Variants in GRM5 observed in about 807,000 individuals in gnomAD.
GRM5 encodes the protein glutamate metabotropic receptor 5.
In GRM5, 19 loss-of-function variants were observed where a neutral mutation model predicts 83.1. The observed-to-expected ratio is 0.23, with a 90% CI of 0.16 to 0.34. The LOEUF (loss-of-function observed/expected upper bound fraction) is 0.34. Among genes scored for constraint, GRM5 ranks in the 10% least tolerant of loss-of-function variants. The pLI is 1.00. For missense variants in GRM5, 1,160 were observed against 1,588.3 expected, an observed-to-expected ratio of 0.73 and a Z score of 4.58; for synonymous variants, 675 against 633.6, an observed-to-expected ratio of 1.07 and a Z score of -0.98.
rs537319443 is a variant in GRM5 at position 88,787,388 on chromosome 11, A to T, written c.911+62518T>A. Among the ~76,000 whole-genome samples the T allele has an allele frequency of 2.9e-4, 44 of 152,252 alleles. No homozygotes were observed. The South Asian group carries it at 9.1e-3, about 32-fold the overall frequency. On this transcript the variant is annotated intron_variant, in intron 3 of 9. Coordinates refer to ENST00000305447, the MANE Select transcript of GRM5 (RefSeq NM_001143831.3). Reference sequence around the variant, plus strand: ...AGGAGAGGATGTGGAAGACAGTGGAATGAGCAAGGGTTATTGGTGGAGGCC... The same window carrying T: ...AGGAGAGGATGTGGAAGACAGTGGATTGAGCAAGGGTTATTGGTGGAGGCC...
rs146352449 is a variant in GRM5 at position 88,522,569 on chromosome 11, T to TTCTCTCTCTCTCTC, written c.2726+2726_2726+2739dup. ...AAAGCTTAAGCATGGCAGGTCTCTC[T>TTCTCTCTCTCTCTC]TCTCTCTCTCTCTCTCTCGCTCTCT... On this transcript the variant is annotated intron_variant, in intron 9 of 9. Coordinates refer to ENST00000305447, the MANE Select transcript of GRM5 (RefSeq NM_001143831.3). Among the ~76,000 whole-genome samples, 735 of 137,896 alleles carry TTCTCTCTCTCTCTC rather than the reference T, an allele frequency of 5.3e-3. 20 individuals are homozygous for TTCTCTCTCTCTCTC. The highest frequency in any genetic ancestry group is 0.019 in the African/African-American group (678 of 36,342). 90.5% of individuals were successfully genotyped at this position (137,896 alleles called of 152,430 possible).
At chr11:88,979,958 G>C (rs1480189951) in intron 2 of GRM5, among the ~76,000 whole-genome samples, 1 of 152,120 alleles carries the variant, frequency 6.6e-6, no homozygotes, top group African/African-American at 2.4e-5. Flanking sequence ...AAAAAGCTTG[G>C]AAATCTAAGG....
intron 5 of GRM5, among the ~76,000 whole-genome samples, chr11:88,602,549 C>G (rs1385897242): frequency 2.0e-5 from 3 of 152,156 alleles, no homozygotes; most frequent in Admixed American, 2.0e-4. Flanking sequence ...GCTGGGAATG[C>G]CTTTGATCTG....
chr11:88,958,115 C>T (rs1413463656), intron 2 of GRM5, among the ~76,000 whole-genome samples: 1 of 151,762 alleles, frequency 6.6e-6, no homozygotes, highest in African/African-American at 2.4e-5. Context: ...CAACCTATGC[C>T]CTCCAGCCAC....
intron 3 of GRM5, among the ~76,000 whole-genome samples, chr11:88,662,701 C>T (rs1939938714): frequency 6.6e-6 from 1 of 152,098 alleles, no homozygotes; most frequent in Non-Finnish European, 1.5e-5. Context: ...CATGAGAGAG[C>T]TAGAGGAGAA....
In GRM5 at chr11:88,659,858, C is replaced by A. The variant is rs370947027; in HGVS notation, c.912-6455G>T. 3.1e-4 allele frequency among the ~76,000 whole-genome samples: 47 copies of A among 151,264 alleles called. 1 individual carries two copies. In the South Asian group the frequency reaches 9.5e-3, roughly 31 times the overall value. Reference sequence around the variant, plus strand: ...AAAAATCTATCTCCCTTAATGAAATCTAAATCCATAAAATGCAGACAATAT... The same window carrying A: ...AAAAATCTATCTCCCTTAATGAAATATAAATCCATAAAATGCAGACAATAT... On this transcript the variant is annotated intron_variant, in intron 3 of 9. Transcript: ENST00000305447.
At chr11:88,920,184 T>G (rs1945663790) in intron 2 of GRM5, among the ~76,000 whole-genome samples, 1 of 151,806 alleles carries the variant, frequency 6.6e-6, no homozygotes, top group Non-Finnish European at 1.5e-5. Flanking sequence ...AAGATCAAAA[T>G]TTTAAAATCA....
intron 3 of GRM5, among the ~76,000 whole-genome samples, chr11:88,708,910 A>G (rs562572405): frequency 2.6e-5 from 4 of 152,262 alleles, no homozygotes; most frequent in African/African-American, 7.2e-5. Flanking sequence ...ACTAAGTTAC[A>G]GAAGTGAGTG....
At chr11:88,900,729 C>A (rs1467787357) in intron 2 of GRM5, among the ~76,000 whole-genome samples, 3 of 152,026 alleles carry the variant, frequency 2.0e-5, no homozygotes, top group Non-Finnish European at 2.9e-5. Context: ...GACTTAGTTT[C>A]TATTTTTAAA....
intron 2 of GRM5, among the ~76,000 whole-genome samples, chr11:88,887,772 C>G (rs552955980): frequency 6.6e-5 from 10 of 152,318 alleles, no homozygotes; most frequent in Admixed American, 6.5e-4. Context: ...TTCTGAAGCA[C>G]AGGGACTCCT....
At chr11:88,560,246 T>G (rs2135160636) in intron 8 of GRM5, among the ~76,000 whole-genome samples, 1 of 152,310 alleles carries the variant, frequency 6.6e-6, no homozygotes, top group South Asian at 2.1e-4. Context: ...TTTAAAACAC[T>G]TAGATAGTTT....
At chr11:88,883,606 T>C (rs1272006646) in intron 2 of GRM5, among the ~76,000 whole-genome samples, 2 of 152,120 alleles carry the variant, frequency 1.3e-5, no homozygotes, top group Non-Finnish European at 2.9e-5. Context: ...TGAAGAAATT[T>C]GCATAAGTAA....
rs183121019 is a variant in GRM5, at chr11:88,637,119, T to C, written c.1147+16049A>G. On this transcript the variant is annotated intron_variant, in intron 4 of 9. Coordinates refer to ENST00000305447, the MANE Select transcript of GRM5 (RefSeq NM_001143831.3). Reference sequence around the variant, plus strand: ...CATTGGTAGCTTGATGGGGATGGCATTGAATCTATAAATTACCTTGGGCAG... The same window carrying C: ...CATTGGTAGCTTGATGGGGATGGCACTGAATCTATAAATTACCTTGGGCAG... 2.7e-3 allele frequency among the ~76,000 whole-genome samples: 406 copies of C among 152,226 alleles called. 1 individual carries two copies. Among genetic ancestry groups the C allele is most frequent in the African/African-American group, 9.1e-3 (376 of 41,540 alleles).
At chr11:88,920,809 C>T (rs1285609800) in intron 2 of GRM5, among the ~76,000 whole-genome samples, 1 of 152,150 alleles carries the variant, frequency 6.6e-6, no homozygotes, top group African/African-American at 2.4e-5. Context: ...TTTGCTGCAC[C>T]TATCAACCCT....
At chr11:88,822,158 GATATA>G (rs1943810989) in intron 3 of GRM5, among the ~76,000 whole-genome samples, 1 of 152,152 alleles carries the variant, frequency 6.6e-6, no homozygotes, top group African/African-American at 2.4e-5. Flanking sequence ...TAAAGAAATA[GATATA>G]ATATATGTCC....
chr11:88,871,078 T>G (rs1944759411), intron 2 of GRM5, among the ~76,000 whole-genome samples: 1 of 151,552 alleles, frequency 6.6e-6, no homozygotes, highest in Non-Finnish European at 1.5e-5. Context: ...AAAATAAAAT[T>G]TAAAAATGTT....
At chr11:88,592,531 C>A (rs888946711) in intron 6 of GRM5, among the ~76,000 whole-genome samples, 1 of 152,118 alleles carries the variant, frequency 6.6e-6, no homozygotes, top group African/African-American at 2.4e-5. Context: ...TTGCATTTCC[C>A]CCCACTAGAA....
intron 1 of GRM5, among the ~76,000 whole-genome samples, chr11:89,060,378 A>C (rs1182508139): frequency 6.6e-6 from 1 of 152,018 alleles, no homozygotes; most frequent in Non-Finnish European, 1.5e-5. Flanking sequence ...ATGTTATTGA[A>C]TAAGTATAAT....
At chr11:88,509,544 G>C (rs1383908871) in intron 9 of GRM5, 40 bp from the exon 10 acceptor site, 1 of 1,513,062 alleles carries the variant, frequency 6.6e-7, no homozygotes, top group Non-Finnish European at 9.1e-7. Flanking sequence ...TCAGCGAGGT[G>C]CCCAGGGGGC....
Sources: allele counts gnomAD v4.1 joint callset (sites outside exome capture counted in the v4.1 genomes callset), GRCh38; gene constraint gnomAD v4.1.1; transcripts MANE v1.5; gene names NCBI Gene and HGNC (gene_info 2026-07-23, HGNC 2026-07-21).